The following STIM1 variants were observed in gnomAD, a reference collection of about 807,000 sequenced individuals.
The protein encoded by STIM1 is stromal interaction molecule 1.
STIM1 carries 25 observed loss-of-function variants against 74.7 expected under a neutral mutation model. The ratio of observed to expected loss-of-function variants is 0.33; its 90% CI spans 0.24 to 0.47. The LOEUF is 0.47. Ranked by LOEUF, STIM1 falls within the 20% of genes least tolerant of loss-of-function variation. The probability of loss-of-function intolerance (pLI) is 1.00; values close to 1 mark genes in which losing one functional copy is unlikely to be tolerated. For synonymous variants in STIM1, 328 were observed against 348.8 expected, an observed-to-expected ratio of 0.94 and a Z score of 0.66; for missense variants, 728 against 920.8, an observed-to-expected ratio of 0.79 and a Z score of 2.71.
intron 3 of STIM1, among the ~76,000 whole-genome samples, chr11:4,046,185 C>T (rs1365151222): frequency 6.6e-6 from 1 of 150,588 alleles, no homozygotes; most frequent in African/African-American, 2.4e-5. Context: ...ATGCCTTAGC[C>T]TCCCAAGTAG....
Position 4,074,642 on chromosome 11 carries a change from G to A in STIM1, c.932G>A (p.Arg311Gln), listed in dbSNP as rs866666473. 11 of 1,584,184 alleles carry A rather than the reference G, an allele frequency of 6.9e-6. No individual in the cohort carries two copies. The highest frequency in any genetic ancestry group is 1.7e-4 in the Middle Eastern group (1 of 6,044). The part of the protein sequence containing the change: ...KELREGTENE[R>Q]SRQKYAEEEL... ...CTGCGGGAGGGTACTGAGAATGAGC[G>A]GAGCCGCCAAAAATATGCTGAGGAG... The change falls in exon 7 of 13, where the codon CGG (arginine) becomes CAG (glutamine). Residue 311 changes from arginine to glutamine, a missense_variant. Physicochemically the swap from Arg to Gln is conservative, Grantham distance 43. This residue lies in a region of STIM1 where 131 missense variants were observed against 235.9 expected (regional missense o/e 0.56). Transcript: ENST00000526596.
intron 2 of STIM1, among the ~76,000 whole-genome samples, chr11:4,007,874 G>C (rs538213104): frequency 6.6e-6 from 1 of 152,228 alleles, no homozygotes; most frequent in East Asian, 1.9e-4. Flanking sequence ...TCTTCAGAAG[G>C]AGCAGCTCTG....
rs562240065 is a variant in STIM1 at position 3,856,138 on chromosome 11, G to C, written c.-133G>C. On this transcript the variant is annotated 5_prime_UTR_variant, in exon 1 of 13. Coordinates refer to ENST00000526596, the MANE Select transcript of STIM1 (RefSeq NM_001382567.1). ...TGGCTGTTGGAGGGGGCAGGCTCGC[G>C]GGTGGCTGGACAGCTGCGGAGCCGC... is the stretch of plus-strand genomic sequence containing the variant. 2 of 1,223,438 alleles carry C rather than the reference G, an allele frequency of 1.6e-6. No individual in the cohort carries two copies. Among genetic ancestry groups the C allele is most frequent in the African/African-American group, 1.5e-5 (1 of 67,730 alleles). The allele number at this position is 1,223,438 out of a possible 1,614,324, so 75.8% of individuals were successfully genotyped here. A position where few individuals can be genotyped will look rare whatever the true frequency, so the allele number is the denominator to read the frequency against.
rs565233873 is a variant in STIM1, at chr11:4,056,514, T to C, written c.497+877T>C. On this transcript the variant is annotated intron_variant, in intron 4 of 12. Coordinates refer to ENST00000526596, the MANE Select transcript of STIM1 (RefSeq NM_001382567.1). ...TGCCCTCAAAGGGCTTACTATCTGG[T>C]AAGTGCTGATTATGTATAATCTGTC... Among the ~76,000 whole-genome samples the C allele has an allele frequency of 3.9e-5, 6 of 152,384 alleles. No homozygotes were observed. In the East Asian group the frequency reaches 1.2e-3, roughly 29 times the overall value.
At chr11:3,895,602 TTC>T (rs369670575) in intron 1 of STIM1, among the ~76,000 whole-genome samples, 93 of 88,462 alleles carry the variant, frequency 1.1e-3, no homozygotes, top group African/African-American at 3.9e-3. Context: ...TGTTCTTTCT[TTC>T]TCTCTCTTTC....
Position 3,941,696 on chromosome 11 carries a change from A to AGAGAGAGAGT in STIM1, c.140-25855_140-25854insAGAGAGAGTG, listed in dbSNP as rs1214690521. 3.8e-3 allele frequency among the ~76,000 whole-genome samples: 541 copies of AGAGAGAGAGT among 141,772 alleles called. 2 individuals carry two copies. Among genetic ancestry groups the AGAGAGAGAGT allele is most frequent in the African/African-American group, 0.014 (511 of 37,336 alleles). 93.0% of individuals were successfully genotyped at this position (141,772 alleles called of 152,430 possible). ...TATAGAGAGAGAGAGAGAGAGAGAG[A>AGAGAGAGAGT]GTGTGTGTGTGTCTCAGTGTCACTG... is the stretch of plus-strand genomic sequence containing the variant. On this transcript the variant is annotated intron_variant, in intron 1 of 12. Coordinates refer to ENST00000526596, the MANE Select transcript of STIM1 (RefSeq NM_001382567.1).
intron 1 of STIM1, among the ~76,000 whole-genome samples, chr11:3,947,100 G>GTT (rs57701004): frequency 0.039 from 5,501 of 139,302 alleles, 151 homozygotes; most frequent in Middle Eastern, 0.07. Flanking sequence ...CATTCTTAGT[G>GTT]TTTTTTTTTT....
intron 3 of STIM1, among the ~76,000 whole-genome samples, chr11:4,033,215 A>G (rs867771571): frequency 3.3e-5 from 5 of 151,950 alleles, no homozygotes; most frequent in African/African-American, 7.3e-5. Flanking sequence ...CCATTGATCT[A>G]TATCTCTGTT....
intron 1 of STIM1, among the ~76,000 whole-genome samples, chr11:3,876,111 C>T (rs558474515): frequency 1.3e-5 from 2 of 150,500 alleles, no homozygotes; most frequent in Admixed American, 6.7e-5. Flanking sequence ...GGGAATAATA[C>T]CTATCTTGTT....
chr11:4,026,978 G>T (rs746181315), intron 3 of STIM1, among the ~76,000 whole-genome samples: 5 of 152,154 alleles, frequency 3.3e-5, no homozygotes, highest in Non-Finnish European at 7.4e-5. Flanking sequence ...GGTTGGATTG[G>T]TATCACCAGG....
At chr11:3,928,252 G>T (rs2092813063) in intron 1 of STIM1, among the ~76,000 whole-genome samples, 1 of 147,346 alleles carries the variant, frequency 6.8e-6, no homozygotes, top group African/African-American at 2.5e-5. Flanking sequence ...TTGAGACAGA[G>T]TCTCACTTTG....
chr11:3,936,326 G>A (rs994324017), intron 1 of STIM1, among the ~76,000 whole-genome samples: 2 of 152,134 alleles, frequency 1.3e-5, no homozygotes, highest in African/African-American at 4.8e-5. Flanking sequence ...TGTCCTAGTG[G>A]ACAAGTGCAT....
chr11:4,062,436 A>G (rs1196183355), intron 5 of STIM1, among the ~76,000 whole-genome samples: 1 of 152,216 alleles, frequency 6.6e-6, no homozygotes, highest in Non-Finnish European at 1.5e-5. Flanking sequence ...CCTGGCCAAC[A>G]TGGCAAAACC....
chr11:4,013,843 T>C (rs1393482075), intron 2 of STIM1, among the ~76,000 whole-genome samples: 1 of 151,794 alleles, frequency 6.6e-6, no homozygotes, highest in Non-Finnish European at 1.5e-5. Context: ...TAGCTGGGAC[T>C]ACAGGCACCC....
chr11:3,997,196 T>C (rs1326570704), intron 2 of STIM1, among the ~76,000 whole-genome samples: 1 of 152,240 alleles, frequency 6.6e-6, no homozygotes, highest in Non-Finnish European at 1.5e-5. Flanking sequence ...AATGATTCCA[T>C]GACAAGCACT....
intron 1 of STIM1, among the ~76,000 whole-genome samples, chr11:3,859,697 C>T (rs2090523652): frequency 6.6e-6 from 1 of 152,242 alleles, no homozygotes; most frequent in South Asian, 2.1e-4. Flanking sequence ...CTAGTTGCTG[C>T]TGCCTCCAAG....
chr11:4,010,199 C>T (rs1436231177), intron 2 of STIM1, among the ~76,000 whole-genome samples: 1 of 144,272 alleles, frequency 6.9e-6, no homozygotes, highest in African/African-American at 2.5e-5. Flanking sequence ...GAGACAGAGT[C>T]TGGCCTTGTC....
intron 1 of STIM1, chr11:3,947,253 CT>C (rs35675864): frequency 6.6e-6 from 1 of 152,326 alleles, no homozygotes; most frequent in Middle Eastern, 3.4e-3. Flanking sequence ...GTGTTTACAG[CT>C]TTTGGGTTTT....
At chr11:3,986,975 A>T (rs917800958) in intron 2 of STIM1, among the ~76,000 whole-genome samples, 1 of 152,176 alleles carries the variant, frequency 6.6e-6, no homozygotes, top group African/African-American at 2.4e-5. Flanking sequence ...GCTTGATGAG[A>T]GGCATGCCCT....
Sources: gnomAD v4.1 joint callset for allele counts (sites outside exome capture counted in the v4.1 genomes callset) on GRCh38, gnomAD v4.1.1 for gene constraint, gnomAD v4.1.1 regional missense constraint, MANE v1.5 for transcripts, NCBI Gene and HGNC (gene_info 2026-07-23, HGNC 2026-07-21) for gene names.